The following MED12L variants were observed in gnomAD, a reference collection of about 807,000 sequenced individuals.
MED12L encodes mediator complex subunit 12L, also known as mediator of RNA polymerase II transcription subunit 12-like protein.
Under a neutral mutation model 281.3 loss-of-function variants are expected in MED12L, and 60 were observed. The observed-to-expected ratio is 0.21, with a 90% confidence interval of 0.17 to 0.26. The LOEUF is 0.26. Among genes scored for constraint, MED12L ranks in the 10% least tolerant of loss-of-function variants. The pLI, the probability that MED12L is intolerant of heterozygous loss-of-function variation, is 1.00. For missense variants in MED12L, 2,146 were observed against 2,680.9 expected, an observed-to-expected ratio of 0.80 and a Z score of 4.41; for synonymous variants, 974 against 987.2, an observed-to-expected ratio of 0.99 and a Z score of 0.25.
At chr3:151,090,303 T>G (rs980185481) in intron 2 of MED12L, among the ~76,000 whole-genome samples, 3 of 152,200 alleles carry the variant, frequency 2.0e-5, no homozygotes, top group African/African-American at 7.2e-5. Context: ...TAAAAAGCAC[T>G]TAGAACAGAA....
intron 21 of MED12L, among the ~76,000 whole-genome samples, chr3:151,364,148 T>C (rs1030376127): frequency 1.3e-5 from 2 of 152,202 alleles, no homozygotes; most frequent in Non-Finnish European, 2.9e-5. Flanking sequence ...CTACAGAAGG[T>C]AAGCACAAAT....
Position 151,328,068 on chromosome 3 carries a change from A to G in MED12L, c.2251-21991A>G, listed in dbSNP as rs200097493. On this transcript the variant is annotated intron_variant, in intron 16 of 44. Transcript: ENST00000687756. ...GCTGTGGTCTTTCTCCCTTGCATAC[A>G]TGGTAGCTTTTCTGTGAATTTTTTA... 4.1e-5 allele frequency: 66 copies of G among 1,610,050 alleles called. No homozygotes were observed. The East Asian group carries it at 1.1e-3, about 27-fold the overall frequency.
chr3:151,221,356 T>C (rs1159802132), intron 16 of MED12L, among the ~76,000 whole-genome samples: 1 of 152,228 alleles, frequency 6.6e-6, no homozygotes, highest in African/African-American at 2.4e-5. Context: ...GAAGTTTGCA[T>C]AAGCAACAAA....
chr3:151,221,938 A>G (rs1939966659), intron 16 of MED12L, among the ~76,000 whole-genome samples: 1 of 152,178 alleles, frequency 6.6e-6, no homozygotes, highest in African/African-American at 2.4e-5. Context: ...GCAGATACTC[A>G]ATGCCAGGAG....
intron 2 of MED12L, among the ~76,000 whole-genome samples, chr3:151,091,536 G>A (rs1014024093): frequency 1.3e-5 from 2 of 152,188 alleles, no homozygotes; most frequent in African/African-American, 4.8e-5. Flanking sequence ...TGCTTGATAC[G>A]AGCAGGGCTG....
chr3:151,149,014 G>A (rs1395245218), intron 5 of MED12L, among the ~76,000 whole-genome samples: 1 of 152,212 alleles, frequency 6.6e-6, no homozygotes, highest in Non-Finnish European at 1.5e-5. Context: ...GTGCAGTGGT[G>A]AGTTTAAACT....
intron 17 of MED12L, among the ~76,000 whole-genome samples, chr3:151,354,808 G>T (rs1276482884): frequency 1.3e-5 from 2 of 152,180 alleles, no homozygotes; most frequent in Non-Finnish European, 2.9e-5. Context: ...CAAGATGCCA[G>T]ATGTGGAAAG....
At chr3:151,325,771 T>A (rs1220710732) in intron 16 of MED12L, among the ~76,000 whole-genome samples, 1 of 152,166 alleles carries the variant, frequency 6.6e-6, no homozygotes, top group Non-Finnish European at 1.5e-5. Flanking sequence ...TGTACCCACA[T>A]TAAGTAGAGA....
At chr3:151,168,952 A>T (rs905640234) in intron 11 of MED12L, among the ~76,000 whole-genome samples, 1 of 152,058 alleles carries the variant, frequency 6.6e-6, no homozygotes, top group African/African-American at 2.4e-5. Context: ...AAGTGCTGGG[A>T]GGTGTGAGCC....
intron 33 of MED12L, among the ~76,000 whole-genome samples, chr3:151,383,249 G>A (rs1158294811): frequency 1.3e-5 from 2 of 152,188 alleles, no homozygotes; most frequent in Non-Finnish European, 2.9e-5. Flanking sequence ...CCCCTCTGGA[G>A]GATGGCCTGC....
chr3:151,307,533 CTGTGTGTGTGTGTG>C (rs67391329), intron 16 of MED12L, among the ~76,000 whole-genome samples: 15,491 of 137,602 alleles, frequency 0.11, 947 homozygotes, highest in East Asian at 0.2. Context: ...GTAACTTGCT[CTGTGTGTGTGTGTG>C]TGTGTGTGTG....
chr3:151,291,858 G>C (rs1189835369), intron 16 of MED12L, among the ~76,000 whole-genome samples: 1 of 152,098 alleles, frequency 6.6e-6, no homozygotes, highest in Non-Finnish European at 1.5e-5. Flanking sequence ...TTTGTCATAT[G>C]ACTTTTAAAA....
At chr3:151,102,771 C>T (rs76753970) in intron 2 of MED12L, among the ~76,000 whole-genome samples, 3,875 of 152,206 alleles carry the variant, frequency 0.025, 130 homozygotes, top group East Asian at 0.18. Flanking sequence ...CTGCACCCAG[C>T]CTTGTTATTT....
At chr3:151,192,295 A>C (rs1431994160) in intron 14 of MED12L, among the ~76,000 whole-genome samples, 1 of 152,216 alleles carries the variant, frequency 6.6e-6, no homozygotes, top group African/African-American at 2.4e-5. Context: ...AATTGTGGAC[A>C]CTTGTTTTAA....
chr3:151,143,016 T>C (rs537716920), intron 5 of MED12L, among the ~76,000 whole-genome samples: 2 of 152,278 alleles, frequency 1.3e-5, no homozygotes, highest in South Asian at 2.1e-4. Context: ...GGAATGTCTT[T>C]GTGAATCTAA....
At chr3:151,337,904 C>T in intron 16 of MED12L, 1 of 1,614,070 alleles carries the variant, frequency 6.2e-7, no homozygotes, top group South Asian at 1.1e-5. Flanking sequence ...AATTGGGGCA[C>T]TTCAGCATAC....
At chr3:151,307,184 T>G (rs1403035884) in intron 16 of MED12L, among the ~76,000 whole-genome samples, 5 of 152,214 alleles carry the variant, frequency 3.3e-5, no homozygotes, top group Non-Finnish European at 7.3e-5. Context: ...AGCCTGACTT[T>G]ATGTGTATGT....
chr3:151,383,053 T>C (rs191860300), intron 33 of MED12L, among the ~76,000 whole-genome samples: 1 of 152,340 alleles, frequency 6.6e-6, no homozygotes, highest in East Asian at 1.9e-4. Flanking sequence ...CTGTTATAAG[T>C]GTTAGCTTCT....
chr3:151,185,878 T>A (rs2149075374), intron 12 of MED12L, among the ~76,000 whole-genome samples: 1 of 152,214 alleles, frequency 6.6e-6, no homozygotes, highest in Non-Finnish European at 1.5e-5. Flanking sequence ...AATAATACAA[T>A]TTTAGCATCT....
Sources: gnomAD v4.1 joint callset for allele counts (sites outside exome capture counted in the v4.1 genomes callset) on GRCh38, gnomAD v4.1.1 for gene constraint, MANE v1.5 for transcripts, NCBI Gene and HGNC (gene_info 2026-07-23, HGNC 2026-07-21) for gene names.